Variants in KLF13 observed in about 807,000 individuals in gnomAD.
KLF13 encodes the protein KLF transcription factor 13, also known as Krueppel-like factor 13.
A neutral mutation model predicts 16.7 loss-of-function variants in KLF13; 8 were observed. That is an observed-to-expected ratio of 0.48 (90% confidence interval 0.28 to 0.87). The LOEUF is 0.87. Ranked by LOEUF, KLF13 falls within the 40% of genes least tolerant of loss-of-function variation. KLF13 has a pLI of 0.10. For synonymous variants in KLF13, 245 were observed against 208.4 expected, an observed-to-expected ratio of 1.18 and a Z score of -1.51; for missense variants, 447 against 452.2, an observed-to-expected ratio of 0.99 and a Z score of 0.10.
rs543608298 is a variant in KLF13 at position 31,359,747 on chromosome 15, G to A, written c.578-12263G>A. Among the ~76,000 whole-genome samples the A allele has an allele frequency of 2.0e-5, 3 of 152,298 alleles. No individual in the cohort carries two copies. The South Asian group carries it at 6.2e-4, about 32-fold the overall frequency. ...GTAGTCTGTTTTCTTCCCTGTCCAC[G>A]TTCCCAGGGGCTGTTTATCAGCAGC... On this transcript the variant is annotated intron_variant, in intron 1 of 1. Transcript: ENST00000307145.
intron 1 of KLF13, among the ~76,000 whole-genome samples, chr15:31,385,935 G>A (rs528903002): frequency 6.6e-6 from 1 of 152,340 alleles, no homozygotes; most frequent in African/African-American, 2.4e-5. Context: ...CATTGTGAAT[G>A]CAAAGGAAAT....
downstream of KLF13, among the ~76,000 whole-genome samples, chr15:31,407,442 A>C (rs2040142829): frequency 6.6e-6 from 1 of 152,260 alleles, no homozygotes; most frequent in Non-Finnish European, 1.5e-5. Context: ...GGATGTGCTA[A>C]GGAGAAATAG....
At chr15:31,350,114 T>C (rs1258359267) in intron 1 of KLF13, among the ~76,000 whole-genome samples, 3 of 152,126 alleles carry the variant, frequency 2.0e-5, no homozygotes, top group Non-Finnish European at 4.4e-5. Flanking sequence ...ATTCCAGACA[T>C]GGAGAGTAGT....
At chr15:31,350,457 G>A (rs369340177) in intron 1 of KLF13, among the ~76,000 whole-genome samples, 1 of 152,232 alleles carries the variant, frequency 6.6e-6, no homozygotes, top group African/African-American at 2.4e-5. Flanking sequence ...AGTCTATGTG[G>A]TTCTGGGCAA....
intron 1 of KLF13, among the ~76,000 whole-genome samples, chr15:31,345,512 A>T (rs1385999841): frequency 6.6e-6 from 1 of 152,198 alleles, no homozygotes; most frequent in Non-Finnish European, 1.5e-5. Context: ...GCCTAGCAGC[A>T]AGCAGCAGGG....
At chr15:31,343,139 C>T (rs2140940849) in intron 1 of KLF13, among the ~76,000 whole-genome samples, 1 of 152,340 alleles carries the variant, frequency 6.6e-6, no homozygotes, top group East Asian at 1.9e-4. Context: ...CATGAGTGGC[C>T]TCTTCTCTCT....
chr15:31,358,321 G>A (rs1488422262), intron 1 of KLF13, among the ~76,000 whole-genome samples: 2 of 152,242 alleles, frequency 1.3e-5, no homozygotes, highest in African/African-American at 4.8e-5. Flanking sequence ...TACAGTTTCT[G>A]TCAAAACATC....
intron 1 of KLF13, among the ~76,000 whole-genome samples, chr15:31,411,013 T>C (rs996433357): frequency 9.2e-5 from 14 of 152,204 alleles, no homozygotes; most frequent in Non-Finnish European, 1.8e-4. Context: ...AAATTAGAAA[T>C]TGATTTTATG....
intron 1 of KLF13, among the ~76,000 whole-genome samples, chr15:31,425,619 G>C (rs2040391322): frequency 6.6e-6 from 1 of 152,192 alleles, no homozygotes; most frequent in Non-Finnish European, 1.5e-5. Flanking sequence ...GCTCACACCT[G>C]TAATCCTAGG....
At chr15:31,405,136 T>C (rs1042330437), downstream of KLF13, among the ~76,000 whole-genome samples, 4 of 152,134 alleles carry the variant, frequency 2.6e-5, no homozygotes, top group Non-Finnish European at 4.4e-5. Context: ...AGCAGAGCTC[T>C]CATGAATGAG....
chr15:31,405,157 T>C (rs1220134495), downstream of KLF13, among the ~76,000 whole-genome samples: 1 of 151,954 alleles, frequency 6.6e-6, no homozygotes, highest in African/African-American at 2.4e-5. Flanking sequence ...GTTAGTGCCT[T>C]AGAAAACAAG....
chr15:31,391,184 C>G, upstream of KLF13, among the ~76,000 whole-genome samples: 1 of 59,058 alleles, frequency 1.7e-5, no homozygotes, highest in African/African-American at 7.9e-5. Context: ...GTTGTGTGGG[C>G]CTCTGGGGGT....
chr15:31,404,992 T>A (rs571005570), downstream of KLF13, among the ~76,000 whole-genome samples: 1 of 152,248 alleles, frequency 6.6e-6, no homozygotes, highest in East Asian at 1.9e-4. Context: ...GAGTACTGTT[T>A]TGTAGTAGGA....
At chr15:31,362,683 C>A (rs1393965515) in intron 1 of KLF13, among the ~76,000 whole-genome samples, 1 of 152,186 alleles carries the variant, frequency 6.6e-6, no homozygotes, top group Admixed American at 6.5e-5. Context: ...GTAGTTTCCC[C>A]AGGGAAAATT....
At chr15:31,432,525 T>C (rs1358992990) in intron 1 of KLF13, among the ~76,000 whole-genome samples, 1 of 151,654 alleles carries the variant, frequency 6.6e-6, no homozygotes, top group Non-Finnish European at 1.5e-5. Flanking sequence ...CACCGCTCAC[T>C]GGAGCCTCAG....
chr15:31,399,238 A>G (rs928956648), intron 2 of KLF13, among the ~76,000 whole-genome samples: 3 of 152,132 alleles, frequency 2.0e-5, no homozygotes, highest in Non-Finnish European at 2.9e-5. Flanking sequence ...CTGGAGTGCA[A>G]TGGCGCAATC....
At position 31,375,959 on chromosome 15, in the gene KLF13, G is replaced by A. The variant is rs746580865; in HGVS notation, c.*3660G>A. 1 of 152,344 alleles carries A rather than the reference G, an allele frequency of 6.6e-6. No individual in the cohort carries two copies. Among genetic ancestry groups the A allele is most frequent in the African/African-American group, 2.4e-5 (1 of 41,408 alleles). 9.4% of individuals were successfully genotyped at this position (152,344 alleles called of 1,614,324 possible). A position where few individuals can be genotyped will look rare whatever the true frequency, so the allele number is the denominator to read the frequency against. On this transcript the variant is annotated 3_prime_UTR_variant, in exon 2 of 2. Coordinates refer to ENST00000307145, the MANE Select transcript of KLF13 (RefSeq NM_015995.4). ...CAGGATTCGCCATGGTGCAGCCTCC[G>A]GGTACAAACATCTGAGGCACTGGCG...
rs2038733009 is a variant in KLF13, at chr15:31,327,443, G to A, written c.231G>A (p.Ala77=). 6 of 1,213,024 alleles carry A rather than the reference G, an allele frequency of 4.9e-6. No homozygotes were observed. The highest frequency in any genetic ancestry group is 8.8e-5 in the Admixed American group (2 of 22,770). The allele number at this position is 1,213,024 out of a possible 1,614,324, so 75.1% of individuals were successfully genotyped here. A position where few individuals can be genotyped will look rare whatever the true frequency, so the allele number is the denominator to read the frequency against. ...ILADLNQQAP[A]PAPAERREGA... is the part of the protein sequence containing the mutation. ...CGGACCTCAACCAGCAAGCGCCGGC[G>A]CCCGCCCCGGCGGAGCGCAGGGAGG... Residue 77 remains alanine, a synonymous_variant, in exon 1 of 2, where the codon GCG becomes GCA. Transcript: ENST00000307145.
intron 1 of KLF13, among the ~76,000 whole-genome samples, chr15:31,433,235 A>G (rs1397742869): frequency 6.6e-6 from 1 of 152,168 alleles, no homozygotes; most frequent in Non-Finnish European, 1.5e-5. Context: ...CCAGTGAATC[A>G]GGAGTTATGC....
Sources: allele counts gnomAD v4.1 joint callset (sites outside exome capture counted in the v4.1 genomes callset), GRCh38; gene constraint gnomAD v4.1.1; transcripts MANE v1.5; gene names NCBI Gene and HGNC (gene_info 2026-07-23, HGNC 2026-07-21).